Variants in EEIG2 observed in about 807,000 individuals in gnomAD.
EEIG2 encodes the protein family with sequence similarity 102 member B.
the EEIG2 span, among the ~76,000 whole-genome samples, chr1:108,594,381 G>A: frequency 6.6e-6 from 1 of 152,154 alleles, no homozygotes; most frequent in African/African-American, 2.4e-5. Flanking sequence ...AATTGTGCGG[G>A]GTAGAAGCCT....
chr1:108,561,428 A>G, the EEIG2 span, among the ~76,000 whole-genome samples: 3 of 152,218 alleles, frequency 2.0e-5, no homozygotes, highest in Non-Finnish European at 2.9e-5. Flanking sequence ...CCTGAGATCA[A>G]GAAGGGTTAA....
chr1:108,568,320 C>T, the EEIG2 span, among the ~76,000 whole-genome samples: 2 of 152,114 alleles, frequency 1.3e-5, no homozygotes, highest in Non-Finnish European at 2.9e-5. Flanking sequence ...CATGTTTTAT[C>T]TACACAGCTT....
chr1:108,607,262 A>G, the EEIG2 span, among the ~76,000 whole-genome samples: 2 of 152,210 alleles, frequency 1.3e-5, no homozygotes, highest in Non-Finnish European at 2.9e-5. Context: ...ATTTTAAGTC[A>G]ACACATTCAC....
chr1:108,633,230 T>G, the EEIG2 span, among the ~76,000 whole-genome samples: 1 of 152,190 alleles, frequency 6.6e-6, no homozygotes, highest in Non-Finnish European at 1.5e-5. Flanking sequence ...ATGAGAGTGA[T>G]AAATAAGATC....
the EEIG2 span, among the ~76,000 whole-genome samples, chr1:108,571,193 G>A: frequency 1.3e-5 from 2 of 151,958 alleles, no homozygotes; most frequent in Non-Finnish European, 2.9e-5. Flanking sequence ...GACATCACGT[G>A]CCTCAAGCTT....
At chr1:108,626,357 T>C in the EEIG2 span, 2 of 152,212 alleles carry the variant, frequency 1.3e-5, no homozygotes, top group Non-Finnish European at 2.9e-5. Flanking sequence ...TCAGGTCTTA[T>C]TTATTTCTGT....
the EEIG2 span, among the ~76,000 whole-genome samples, chr1:108,594,350 A>C: frequency 6.6e-6 from 1 of 152,184 alleles, no homozygotes; most frequent in South Asian, 2.1e-4. Context: ...TTAGTTACTT[A>C]CTCATGAGCA....
chr1:108,608,027 G>A, the EEIG2 span, among the ~76,000 whole-genome samples: 20,926 of 152,000 alleles, frequency 0.14, 2,102 homozygotes, highest in African/African-American at 0.28. Context: ...CTTAATTTAC[G>A]TGTGTCTGGC....
the EEIG2 span, chr1:108,560,309 G>GCCGCGCCC: frequency 1.3e-6 from 1 of 793,976 alleles, no homozygotes; most frequent in Non-Finnish European, 1.5e-6. Context: ...GCGCCCCCCG[G>GCCGCGCCC]CCGCGCCCCC....
the EEIG2 span, among the ~76,000 whole-genome samples, chr1:108,607,220 C>T: frequency 6.6e-6 from 1 of 152,194 alleles, no homozygotes; most frequent in African/African-American, 2.4e-5. Flanking sequence ...TTGGCCAGCT[C>T]CCCTCCTGGA....
the EEIG2 span, among the ~76,000 whole-genome samples, chr1:108,572,617 AT>A: frequency 9.6e-3 from 1,455 of 151,628 alleles, 23 homozygotes; most frequent in African/African-American, 0.033. Context: ...GATTTATTTT[AT>A]TTTATTTTAT....
chr1:108,636,475 A>C, the EEIG2 span: 1 of 152,230 alleles, frequency 6.6e-6, no homozygotes, highest in Non-Finnish European at 1.5e-5. Context: ...AAAAATAAGG[A>C]GGAAATTATA....
chr1:108,637,006 T>C, the EEIG2 span: 1 of 152,172 alleles, frequency 6.6e-6, no homozygotes, highest in Admixed American at 6.5e-5. Context: ...AGATTGTAAG[T>C]GGGGTTCAGT....
At chr1:108,614,350 A>G in the EEIG2 span, among the ~76,000 whole-genome samples, 1 of 152,162 alleles carries the variant, frequency 6.6e-6, no homozygotes, top group African/African-American at 2.4e-5. Flanking sequence ...TCACACAACC[A>G]GACTAGCTGC....
At chr1:108,628,409 C>A in the EEIG2 span, 1 of 1,613,794 alleles carries the variant, frequency 6.2e-7, no homozygotes, top group South Asian at 1.1e-5. Flanking sequence ...TAGCACGTGT[C>A]ACTCCCGGTC....
chr1:108,602,885 G>T, the EEIG2 span, among the ~76,000 whole-genome samples: 2 of 147,450 alleles, frequency 1.4e-5, no homozygotes. Context: ...AAAAAAAAAA[G>T]AAGACCTTAC....
At chr1:108,606,064 G>T in the EEIG2 span, among the ~76,000 whole-genome samples, 2 of 152,222 alleles carry the variant, frequency 1.3e-5, no homozygotes, top group East Asian at 3.9e-4. Context: ...CATTTGGGGG[G>T]CTTGTGGGAG....
At chr1:108,624,751 A>AGACGAACT in the EEIG2 span, 1 of 1,611,244 alleles carries the variant, frequency 6.2e-7, no homozygotes, top group Admixed American at 1.7e-5. Context: ...AATAGCAGGT[A>AGACGAACT]TGGATGTGTG....
chr1:108,585,085 A>G, the EEIG2 span, among the ~76,000 whole-genome samples: 1 of 152,192 alleles, frequency 6.6e-6, no homozygotes, highest in Non-Finnish European at 1.5e-5. Flanking sequence ...ATTTGTAATT[A>G]TACACAATTG....
Sources: gnomAD v4.1 joint callset for allele counts (sites outside exome capture counted in the v4.1 genomes callset) on GRCh38, gnomAD v4.1.1 for gene constraint, MANE v1.5 for transcripts, NCBI Gene and HGNC (gene_info 2026-07-23, HGNC 2026-07-21) for gene names.